MAGI1: variants seen among roughly 807,000 people sequenced by gnomAD.
MAGI1 encodes membrane associated guanylate kinase, WW and PDZ domain containing 1, also known as membrane-associated guanylate kinase, WW and PDZ domain-containing protein 1.
A neutral mutation model predicts 139.9 loss-of-function variants in MAGI1; 58 were observed. That is an observed-to-expected ratio of 0.41 (90% CI 0.34 to 0.52). The LOEUF (loss-of-function observed/expected upper bound fraction) is 0.52, where lower values mean the gene tolerates loss of function less well. MAGI1 is among the 20% of genes least tolerant of loss of function. The pLI, the probability that MAGI1 is intolerant of heterozygous loss-of-function variation, is 0.12. For missense variants in MAGI1, 1,874 were observed against 1,901.6 expected (o/e 0.99, Z 0.27); for synonymous variants, 812 against 737.9 (o/e 1.10, Z -1.63).
At chr3:65,685,702 A>G (rs1306661891) in intron 1 of MAGI1, among the ~76,000 whole-genome samples, 1 of 152,160 alleles carries the variant, frequency 6.6e-6, no homozygotes, top group African/African-American at 2.4e-5. Flanking sequence ...ATCAGTTTCT[A>G]TTTTAGTAAA....
intron 5 of MAGI1, chr3:65,469,929 T>A (rs1274059157): frequency 6.8e-6 from 1 of 147,872 alleles, no homozygotes; most frequent in African/African-American, 2.4e-5. Flanking sequence ...TATATTTAAA[T>A]ATTTATAAAT....
chr3:65,694,628 G>A (rs114612987), intron 1 of MAGI1, among the ~76,000 whole-genome samples: 384 of 152,214 alleles, frequency 2.5e-3, no homozygotes, highest in African/African-American at 8.6e-3. Flanking sequence ...CTAAGCCTTC[G>A]GCTCATTCCC....
At chr3:65,525,064 C>G (rs1466204769) in intron 2 of MAGI1, among the ~76,000 whole-genome samples, 2 of 152,072 alleles carry the variant, frequency 1.3e-5, no homozygotes, top group Non-Finnish European at 2.9e-5. Flanking sequence ...GCTCCAGCAC[C>G]CTCAGTCATA....
chr3:65,819,972 T>A (rs77103804), intron 1 of MAGI1, among the ~76,000 whole-genome samples: 3,801 of 115,352 alleles, frequency 0.033, 144 homozygotes, highest in African/African-American at 0.099. Flanking sequence ...GAATTATGTA[T>A]CTTTATATTA....
intron 5 of MAGI1, among the ~76,000 whole-genome samples, chr3:65,460,208 T>A (rs1326108736): frequency 1.3e-5 from 2 of 152,220 alleles, no homozygotes; most frequent in Non-Finnish European, 2.9e-5. Flanking sequence ...TTTATTTGAA[T>A]ACTGAGAAAG....
chr3:65,543,759 G>GC (rs1321813869), intron 2 of MAGI1, among the ~76,000 whole-genome samples: 1 of 151,950 alleles, frequency 6.6e-6, no homozygotes, highest in Non-Finnish European at 1.5e-5. Flanking sequence ...CAGGGATGGG[G>GC]GGGGGTACAA....
At chr3:66,006,043 G>C (rs1178978927) in intron 1 of MAGI1, among the ~76,000 whole-genome samples, 1 of 152,204 alleles carries the variant, frequency 6.6e-6, no homozygotes, top group Non-Finnish European at 1.5e-5. Flanking sequence ...AGAGAGATCA[G>C]TAATTTGTTA....
intron 2 of MAGI1, among the ~76,000 whole-genome samples, chr3:65,524,520 T>C (rs1362130640): frequency 6.6e-6 from 1 of 152,016 alleles, no homozygotes; most frequent in African/African-American, 2.4e-5. Flanking sequence ...CCAAAGCAAA[T>C]ATGGAAGGGT....
intron 1 of MAGI1, among the ~76,000 whole-genome samples, chr3:65,726,591 C>T (rs1292969792): frequency 6.6e-6 from 1 of 152,136 alleles, no homozygotes; most frequent in Non-Finnish European, 1.5e-5. Context: ...TTGGTGATAT[C>T]TCAAAAATGG....
chr3:65,778,931 T>A (rs1441121032), intron 1 of MAGI1, among the ~76,000 whole-genome samples: 1 of 152,120 alleles, frequency 6.6e-6, no homozygotes, highest in Non-Finnish European at 1.5e-5. Context: ...GTTATCACAA[T>A]TAGGAAGGTG....
At chr3:65,887,000 A>T (rs1394220191) in intron 1 of MAGI1, among the ~76,000 whole-genome samples, 3 of 152,184 alleles carry the variant, frequency 2.0e-5, no homozygotes, top group African/African-American at 7.2e-5. Flanking sequence ...TACCTAGTTA[A>T]TGTCAAAGGC....
At chr3:65,853,950 C>A (rs2059290896) in intron 1 of MAGI1, among the ~76,000 whole-genome samples, 1 of 151,574 alleles carries the variant, frequency 6.6e-6, no homozygotes, top group African/African-American at 2.4e-5. Context: ...ACTAAAAATA[C>A]AAAAAAAATT....
At chr3:65,392,393 C>T (rs1265854548) in intron 13 of MAGI1, among the ~76,000 whole-genome samples, 8 of 152,098 alleles carry the variant, frequency 5.3e-5, no homozygotes, top group African/African-American at 1.2e-4. Flanking sequence ...GCCTCATATA[C>T]CATAGACACC....
Position 65,375,775 on chromosome 3 carries a change from T to C in MAGI1, c.3166A>G (p.Thr1056Ala), listed in dbSNP as rs767581703. 6.2e-7 allele frequency: 1 copy of C among 1,613,822 alleles called. No homozygotes were observed. Among genetic ancestry groups the C allele is most frequent in the East Asian group, 2.2e-5 (1 of 44,880 alleles). The change falls in exon 18 of 23, where the codon ACA (threonine) becomes GCA (alanine). Residue 1056 changes from threonine to alanine, a missense_variant. Around this residue, in one of 5 missense-constraint regions of MAGI1, gnomAD observed 653 missense variants for 644.5 expected, o/e 1.01. Transcript: ENST00000402939. Reference protein sequence around the residue: ...IVNLIKEAGNTVTLRIIPGDE... With the variant: ...IVNLIKEAGNAVTLRIIPGDE... Reference sequence around the variant, plus strand: ...CCAGGAATGATGCGGAGGGTAACTGTGTTTCCCGCTTCCTTGATTAGGTTC... The same window carrying C: ...CCAGGAATGATGCGGAGGGTAACTGCGTTTCCCGCTTCCTTGATTAGGTTC...
intron 12 of MAGI1, among the ~76,000 whole-genome samples, chr3:65,412,198 C>T (rs547354394): frequency 4.6e-5 from 7 of 152,284 alleles, no homozygotes; most frequent in Admixed American, 3.3e-4. Flanking sequence ...CCCTCCACTG[C>T]GGAACTGCCT....
chr3:65,726,800 T>C lies in MAGI1; in HGVS notation c.314-104712A>G, dbSNP rs189082825. Among the ~76,000 whole-genome samples the C allele has an allele frequency of 1.4e-4, 21 of 152,158 alleles. No homozygotes were observed. In the East Asian group the frequency reaches 3.9e-3, roughly 28 times the overall value. ...ATGGTCTCTTATCCTACGAGCATCT[T>C]GATAGGGCTTCAAATCCCCAGGCAA... is the stretch of plus-strand genomic sequence containing the variant. On this transcript the variant is annotated intron_variant, in intron 1 of 22. Transcript: ENST00000402939.
chr3:65,835,099 T>TAG (rs1458887934), intron 1 of MAGI1, among the ~76,000 whole-genome samples: 4 of 152,212 alleles, frequency 2.6e-5, no homozygotes, highest in African/African-American at 9.6e-5. Flanking sequence ...GTTAATGTGT[T>TAG]AGGTCTTAAG....
intron 1 of MAGI1, among the ~76,000 whole-genome samples, chr3:65,972,099 C>T (rs2065039556): frequency 6.6e-6 from 1 of 152,186 alleles, no homozygotes. Context: ...GGCAGCCTGA[C>T]TGGTCCCTAA....
intron 2 of MAGI1, among the ~76,000 whole-genome samples, chr3:65,531,031 G>C (rs1014389489): frequency 6.6e-6 from 1 of 151,502 alleles, no homozygotes; most frequent in African/African-American, 2.4e-5. Flanking sequence ...AGAATTAAAT[G>C]ACATAAGTCA....
Sources: gnomAD v4.1 joint callset for allele counts (sites outside exome capture counted in the v4.1 genomes callset) on GRCh38, gnomAD v4.1.1 for gene constraint, gnomAD v4.1.1 regional missense constraint, MANE v1.5 for transcripts, NCBI Gene and HGNC (gene_info 2026-07-23, HGNC 2026-07-21) for gene names.